Variants in EPHB1 observed in about 807,000 individuals in gnomAD.
EPHB1 encodes EPH receptor B1, also known as ephrin type-B receptor 1.
A neutral mutation model predicts 94.4 loss-of-function variants in EPHB1; 30 were observed. The ratio of observed to expected loss-of-function variants is 0.32; its 90% CI spans 0.24 to 0.43. The LOEUF is 0.43. Among genes scored for constraint, EPHB1 ranks in the 20% least tolerant of loss-of-function variants. The pLI, the probability that EPHB1 is intolerant of heterozygous loss-of-function variation, is 1.00. For missense variants in EPHB1, 1,055 were observed against 1,308.3 expected (o/e 0.81, Z 2.99); for synonymous variants, 522 against 489.1 (o/e 1.07, Z -0.89).
chr3:134,918,196 AGACCTCCAT>A (rs374271395), intron 1 of EPHB1, among the ~76,000 whole-genome samples: 2 of 152,240 alleles, frequency 1.3e-5, no homozygotes, highest in African/African-American at 4.8e-5. Context: ...AGAGGAAGGA[AGACCTCCAT>A]GAGTAGGACT....
intron 2 of EPHB1, among the ~76,000 whole-genome samples, chr3:134,935,931 C>A (rs1182129510): frequency 9.9e-5 from 15 of 152,174 alleles, no homozygotes; most frequent in Non-Finnish European, 2.2e-4. Flanking sequence ...TGGGACCCTG[C>A]AAGGAAGGAA....
At chr3:135,099,805 TGA>T (rs1381045580) in intron 3 of EPHB1, among the ~76,000 whole-genome samples, 1 of 152,212 alleles carries the variant, frequency 6.6e-6, no homozygotes, top group Non-Finnish European at 1.5e-5. Flanking sequence ...TAGCAGCTTC[TGA>T]GAGAGGCTTT....
intron 2 of EPHB1, among the ~76,000 whole-genome samples, chr3:134,942,902 T>C (rs1229240111): frequency 5.3e-5 from 8 of 152,200 alleles, no homozygotes; most frequent in African/African-American, 1.9e-4. Context: ...GAAACCAAAG[T>C]CACACAAGTG....
At chr3:135,072,643 C>A (rs2107782606) in intron 3 of EPHB1, among the ~76,000 whole-genome samples, 1 of 152,328 alleles carries the variant, frequency 6.6e-6, no homozygotes, top group South Asian at 2.1e-4. Flanking sequence ...TTGCACATGT[C>A]ACTTCCTCTG....
At chr3:135,007,812 T>C (rs548566159) in intron 3 of EPHB1, among the ~76,000 whole-genome samples, 5 of 152,392 alleles carry the variant, frequency 3.3e-5, no homozygotes, top group Admixed American at 3.3e-4. Flanking sequence ...CTTCCTGATT[T>C]GATATACATC....
At chr3:135,152,698 A>G (rs1043530627) in intron 5 of EPHB1, among the ~76,000 whole-genome samples, 8 of 152,162 alleles carry the variant, frequency 5.3e-5, no homozygotes, top group African/African-American at 1.7e-4. Context: ...GTTGCCCATC[A>G]GAGTAGTCCC....
intron 4 of EPHB1, among the ~76,000 whole-genome samples, chr3:135,118,794 C>T (rs1248876566): frequency 6.6e-6 from 1 of 152,130 alleles, no homozygotes; most frequent in African/African-American, 2.4e-5. Context: ...CAACCCCTAC[C>T]GAGTATACAG....
intron 3 of EPHB1, among the ~76,000 whole-genome samples, chr3:134,979,185 G>C (rs1455770831): frequency 6.6e-6 from 1 of 152,204 alleles, no homozygotes; most frequent in Non-Finnish European, 1.5e-5. Flanking sequence ...TGACAGAGAA[G>C]TGTATTTGAA....
At chr3:135,051,391 C>T (rs1937163779) in intron 3 of EPHB1, among the ~76,000 whole-genome samples, 1 of 152,174 alleles carries the variant, frequency 6.6e-6, no homozygotes, top group African/African-American at 2.4e-5. Flanking sequence ...TAAAGCAAGA[C>T]AAAGGCACCA....
chr3:134,943,190 G>T (rs1033218457), intron 2 of EPHB1, among the ~76,000 whole-genome samples: 1 of 152,210 alleles, frequency 6.6e-6, no homozygotes, highest in African/African-American at 2.4e-5. Context: ...ACATGGTCTA[G>T]AGTGGTTTCC....
chr3:135,171,809 A>C (rs1398213380), intron 9 of EPHB1, among the ~76,000 whole-genome samples: 1 of 152,188 alleles, frequency 6.6e-6, no homozygotes, highest in African/African-American at 2.4e-5. Flanking sequence ...TACATAAATT[A>C]ACTAGTTTCA....
chr3:134,912,109 T>A (rs2038467565), intron 1 of EPHB1, among the ~76,000 whole-genome samples: 1 of 152,222 alleles, frequency 6.6e-6, no homozygotes, highest in African/African-American at 2.4e-5. Flanking sequence ...GAGAGTCATT[T>A]TGCATGGGCG....
At chr3:135,248,258 T>C in intron 13 of EPHB1, 58 bp from the exon 14 acceptor site, 1 of 1,462,104 alleles carries the variant, frequency 6.8e-7, no homozygotes, top group Non-Finnish European at 9.2e-7. Context: ...GGATAATTTG[T>C]GAGTGACTGG....
chr3:134,982,199 CAACA>C (rs1187819402), intron 3 of EPHB1, among the ~76,000 whole-genome samples: 1 of 152,062 alleles, frequency 6.6e-6, no homozygotes. Context: ...GACCTGGAAA[CAACA>C]AACAGACAAA....
intron 13 of EPHB1, among the ~76,000 whole-genome samples, chr3:135,246,020 C>T (rs755440161): frequency 6.6e-6 from 1 of 152,130 alleles, no homozygotes; most frequent in Non-Finnish European, 1.5e-5. Context: ...GGCCCTGACT[C>T]CAGTGCTCCT....
chr3:134,866,404 A>G (rs547903310), intron 1 of EPHB1, among the ~76,000 whole-genome samples: 1 of 152,312 alleles, frequency 6.6e-6, no homozygotes, highest in Non-Finnish European at 1.5e-5. Flanking sequence ...AAGAGGGTCC[A>G]AGACTCCAGA....
chr3:134,838,184 G>A (rs906212196), intron 1 of EPHB1, among the ~76,000 whole-genome samples: 6 of 152,184 alleles, frequency 3.9e-5, no homozygotes, highest in Non-Finnish European at 7.3e-5. Context: ...TGGTCTGGGT[G>A]CAGTTGTCAT....
In EPHB1 at chr3:134,795,519, G is replaced by T; in HGVS notation, c.-113G>T. Reference sequence around the variant, plus strand: ...CGGGAAGTCCGGTCCGGGCGAGAGCGCGAAAGGATACCGAGAAGCCACCCG... The same window carrying T: ...CGGGAAGTCCGGTCCGGGCGAGAGCTCGAAAGGATACCGAGAAGCCACCCG... On this transcript the variant is annotated 5_prime_UTR_variant, in exon 1 of 16. Transcript: ENST00000398015. The T allele has an allele frequency of 9.8e-7, 1 of 1,018,058 alleles. No individual in the cohort carries two copies. The highest frequency in any genetic ancestry group is 1.4e-6 in the Non-Finnish European group (1 of 697,980). 63.1% of individuals were successfully genotyped at this position (1,018,058 alleles called of 1,614,324 possible).
intron 3 of EPHB1, among the ~76,000 whole-genome samples, chr3:135,024,368 T>C (rs989352837): frequency 1.3e-5 from 2 of 152,234 alleles, no homozygotes; most frequent in African/African-American, 4.8e-5. Context: ...AGTGTTGCTC[T>C]AGTTGTGAAA....
Sources: gnomAD v4.1 joint callset for allele counts (sites outside exome capture counted in the v4.1 genomes callset) on GRCh38, gnomAD v4.1.1 for gene constraint, MANE v1.5 for transcripts, NCBI Gene and HGNC (gene_info 2026-07-23, HGNC 2026-07-21) for gene names.